SPAG17: variants seen among roughly 807,000 people sequenced by gnomAD.
SPAG17 encodes the protein sperm-associated antigen 17.
In SPAG17, 169 loss-of-function variants were observed where a neutral mutation model predicts 273.6. The ratio of observed to expected loss-of-function variants is 0.62; its 90% CI spans 0.55 to 0.70. The LOEUF (loss-of-function observed/expected upper bound fraction) is 0.70, where lower values mean the gene tolerates loss of function less well. Among genes scored for constraint, SPAG17 ranks in the 30% least tolerant of loss-of-function variants. SPAG17 has a pLI of 0.00. For missense variants in SPAG17, 2,557 were observed against 2,627.8 expected (o/e 0.97, Z 0.59); for synonymous variants, 825 against 873.2 (o/e 0.94, Z 0.97).
chr1:117,969,352 G>A (rs1000455023), intron 46 of SPAG17, among the ~76,000 whole-genome samples: 2 of 152,054 alleles, frequency 1.3e-5, no homozygotes, highest in African/African-American at 4.8e-5. Context: ...AGGCCAAGGC[G>A]GGTGGATAGA....
chr1:117,964,875 C>G (rs1653617611), intron 47 of SPAG17: 1 of 152,214 alleles, frequency 6.6e-6, no homozygotes, highest in Non-Finnish European at 1.5e-5. Flanking sequence ...TCTCCCTTGC[C>G]AAGACTAACC....
At chr1:117,997,809 A>T (rs1657823401) in intron 32 of SPAG17, among the ~76,000 whole-genome samples, 1 of 152,124 alleles carries the variant, frequency 6.6e-6, no homozygotes, top group South Asian at 2.1e-4. Flanking sequence ...TGTATTTCCT[A>T]TAATTTTATT....
intron 43 of SPAG17, among the ~76,000 whole-genome samples, chr1:117,979,015 A>G (rs1007850364): frequency 1.3e-5 from 2 of 151,844 alleles, no homozygotes; most frequent in African/African-American, 2.4e-5. Flanking sequence ...TTACAGGTGC[A>G]TGCCACCATG....
chr1:117,986,764 C>G (rs894676451), intron 40 of SPAG17, among the ~76,000 whole-genome samples: 4 of 152,158 alleles, frequency 2.6e-5, no homozygotes, highest in African/African-American at 7.2e-5. Flanking sequence ...TAAAATATGG[C>G]ACCTTGACAC....
At chr1:118,000,382 G>C (rs933196755) in intron 32 of SPAG17, among the ~76,000 whole-genome samples, 3 of 152,142 alleles carry the variant, frequency 2.0e-5, no homozygotes, top group South Asian at 2.1e-4. Context: ...AGCTTGATGG[G>C]GATGGCATTG....
Position 117,992,357 on chromosome 1 carries a change from A to G in SPAG17, c.5361+109T>C, listed in dbSNP as rs550977997. On this transcript the variant is annotated intron_variant, in intron 36 of 48. Coordinates refer to ENST00000336338, the MANE Select transcript of SPAG17 (RefSeq NM_206996.4). Reference sequence around the variant, plus strand: ...TGAAAGACTGACATCCTTGTGTTGCACTAGACAAATATTGGTAGAATTACA... The same window carrying G: ...TGAAAGACTGACATCCTTGTGTTGCGCTAGACAAATATTGGTAGAATTACA... 848 of 1,059,260 alleles carry G rather than the reference A, an allele frequency of 8.0e-4. 11 individuals are homozygous for G. The South Asian group carries it at 0.014, about 18-fold the overall frequency. The allele number at this position is 1,059,260 out of a possible 1,614,324, so 65.6% of individuals were successfully genotyped here.
intron 3 of SPAG17, among the ~76,000 whole-genome samples, chr1:118,147,439 C>G (rs765060303): frequency 6.6e-6 from 1 of 152,148 alleles, no homozygotes; most frequent in Non-Finnish European, 1.5e-5. Context: ...GATGATAAAG[C>G]AGTAGCCAAC....
chr1:118,136,786 A>AGTGTGTGTGT (rs1189168115), intron 3 of SPAG17, among the ~76,000 whole-genome samples: 6 of 126,370 alleles, frequency 4.7e-5, no homozygotes, highest in African/African-American at 9.0e-5. Flanking sequence ...AAAGGGGTAA[A>AGTGTGTGTGT]GTGTGTGTGT....
chr1:118,117,190 C>T (rs986086470), intron 3 of SPAG17, among the ~76,000 whole-genome samples: 1 of 152,116 alleles, frequency 6.6e-6, no homozygotes, highest in South Asian at 2.1e-4. Flanking sequence ...TCTAGTGTTT[C>T]CCTCTAATAC....
Position 118,109,556 on chromosome 1 carries a change from AAATAATAATAAT to A in SPAG17, c.447+5742_447+5753del, listed in dbSNP as rs10589035. On this transcript the variant is annotated intron_variant, in intron 4 of 48. Coordinates refer to ENST00000336338, the MANE Select transcript of SPAG17 (RefSeq NM_206996.4). ...GGCAACAGAGTGAAACTCTGTCTCA[AAATAATAATAAT>A]AATAATAATAATAATAATAATGCAT... is the stretch of plus-strand genomic sequence containing the variant. Among the ~76,000 whole-genome samples, 6 of 141,280 alleles carry A rather than the reference AAATAATAATAAT, an allele frequency of 4.2e-5. No individual in the cohort carries two copies. In the South Asian group the frequency reaches 7.0e-4, roughly 16 times the overall value. 92.7% of individuals were successfully genotyped at this position (141,280 alleles called of 152,430 possible).
intron 32 of SPAG17, among the ~76,000 whole-genome samples, chr1:118,000,935 T>A (rs2101707958): frequency 6.6e-6 from 1 of 152,340 alleles, no homozygotes; most frequent in East Asian, 1.9e-4. Flanking sequence ...TTTTGCCCAT[T>A]CAGTATGATA....
intron 20 of SPAG17, among the ~76,000 whole-genome samples, chr1:118,043,325 T>C (rs983336178): frequency 3.3e-5 from 5 of 152,198 alleles, no homozygotes; most frequent in African/African-American, 1.2e-4. Context: ...GAAATAACAT[T>C]GGTGTATCGG....
intron 25 of SPAG17, among the ~76,000 whole-genome samples, chr1:118,029,053 C>T (rs796787376): frequency 1.4e-4 from 21 of 152,088 alleles, no homozygotes; most frequent in African/African-American, 5.1e-4. Flanking sequence ...AGTTAGAAAC[C>T]AGCCAGGGTA....
intron 48 of SPAG17, chr1:117,959,144 A>G: frequency 7.6e-7 from 1 of 1,312,512 alleles, no homozygotes; most frequent in African/African-American, 1.5e-5. Flanking sequence ...TAGAATTAGT[A>G]GGAATAGAAA....
intron 19 of SPAG17, among the ~76,000 whole-genome samples, 170 bp downstream of exon 19, chr1:118,055,563 T>C (rs1651575703): frequency 6.6e-6 from 1 of 152,090 alleles, no homozygotes; most frequent in African/African-American, 2.4e-5. Context: ...TCAGGTACAA[T>C]CCCATATTTG....
chr1:118,039,530 GAAAC>G (rs1265115567), intron 22 of SPAG17, 86 bp from the exon 23 acceptor site: 99 of 1,368,290 alleles, frequency 7.2e-5, no homozygotes, highest in Non-Finnish European at 9.9e-5. Context: ...ATGCTGCACA[GAAAC>G]AAACACACGA....
chr1:118,017,653 G>A (rs1456613091), intron 28 of SPAG17, among the ~76,000 whole-genome samples: 1 of 152,142 alleles, frequency 6.6e-6, no homozygotes, highest in Non-Finnish European at 1.5e-5. Context: ...AAAGCAGGAA[G>A]AACAGTTAGA....
chr1:118,175,779 G>A (rs1019100843), intron 1 of SPAG17, among the ~76,000 whole-genome samples: 1 of 152,028 alleles, frequency 6.6e-6, no homozygotes, highest in African/African-American at 2.4e-5. Flanking sequence ...ATATTTGAAG[G>A]TATAAAACCC....
intron 4 of SPAG17, among the ~76,000 whole-genome samples, chr1:118,107,817 G>A (rs1280956753): frequency 6.6e-6 from 1 of 152,172 alleles, no homozygotes; most frequent in African/African-American, 2.4e-5. Context: ...AAGAAGATGT[G>A]CAATGCATTC....
Sources: allele counts gnomAD v4.1 joint callset (sites outside exome capture counted in the v4.1 genomes callset), GRCh38; gene constraint gnomAD v4.1.1; transcripts MANE v1.5; gene names NCBI Gene and HGNC (gene_info 2026-07-23, HGNC 2026-07-21).